DCAF6: variants seen among roughly 807,000 people sequenced by gnomAD.
The protein encoded by DCAF6 is DDB1- and CUL4-associated factor 6.
DCAF6 carries 54 observed loss-of-function variants against 125.1 expected under a neutral mutation model. That is an observed-to-expected ratio of 0.43 (90% CI 0.35 to 0.54). The LOEUF (loss-of-function observed/expected upper bound fraction) is 0.54. DCAF6 is among the 20% of genes least tolerant of loss of function. The pLI, the probability that DCAF6 is intolerant of heterozygous loss-of-function variation, is 0.01. For synonymous variants in DCAF6, 371 were observed against 390.4 expected (o/e 0.95, Z 0.58); for missense variants, 934 against 1,161.7 (o/e 0.80, Z 2.85).
chr1:168,067,581 G>C (rs1692492750), intron 20 of DCAF6, among the ~76,000 whole-genome samples: 1 of 152,174 alleles, frequency 6.6e-6, no homozygotes, highest in African/African-American at 2.4e-5. Context: ...CCATCAGTGT[G>C]CCTGGAACCC....
At chr1:168,062,236 T>A (rs896178154) in intron 17 of DCAF6, among the ~76,000 whole-genome samples, 17 of 152,258 alleles carry the variant, frequency 1.1e-4, no homozygotes, top group African/African-American at 3.6e-4. Flanking sequence ...AATGGTTTCC[T>A]TTAAAGGGAC....
intron 7 of DCAF6, among the ~76,000 whole-genome samples, chr1:168,001,495 T>C (rs943447660): frequency 1.3e-5 from 2 of 152,030 alleles, no homozygotes; most frequent in African/African-American, 4.8e-5. Context: ...AGTGGAAAGA[T>C]AGGAAATCAA....
At chr1:167,975,993 A>T (rs1404788809) in intron 4 of DCAF6, among the ~76,000 whole-genome samples, 1 of 152,030 alleles carries the variant, frequency 6.6e-6, no homozygotes, top group Admixed American at 6.6e-5. Flanking sequence ...TTTTGTATGT[A>T]CTTATATATA....
chr1:168,025,120 A>C (rs1263184033), intron 12 of DCAF6, among the ~76,000 whole-genome samples: 3 of 152,202 alleles, frequency 2.0e-5, no homozygotes, highest in African/African-American at 7.2e-5. Context: ...TATGGATTTA[A>C]TAATATATCA....
the DCAF6 span, among the ~76,000 whole-genome samples, chr1:167,922,589 G>A: frequency 6.6e-6 from 1 of 151,510 alleles, no homozygotes; most frequent in Non-Finnish European, 1.5e-5. Flanking sequence ...TTCTCAATAT[G>A]TAGATATGAA....
chr1:167,918,994 A>C, the DCAF6 span, among the ~76,000 whole-genome samples: 6 of 152,240 alleles, frequency 3.9e-5, no homozygotes, highest in Admixed American at 3.9e-4. Flanking sequence ...GAACGTGACA[A>C]ACTTGTGAAC....
the DCAF6 span, among the ~76,000 whole-genome samples, chr1:167,923,387 CAT>C: frequency 0.03 from 4,551 of 152,212 alleles, 233 homozygotes; most frequent in African/African-American, 0.1. Flanking sequence ...GAAAGTGACA[CAT>C]GTGACAACGT....
At chr1:167,880,497 T>C in the DCAF6 span, 1 of 1,612,624 alleles carries the variant, frequency 6.2e-7, no homozygotes. Context: ...TCACTGGATT[T>C]TGTGGACTTG....
chr1:167,870,230 AC>A, the DCAF6 span: 86 of 1,613,720 alleles, frequency 5.3e-5, no homozygotes, highest in Non-Finnish European at 7.1e-5. Flanking sequence ...ATGGGTTCAC[AC>A]AGAACAATCA....
chr1:168,030,364 A>G (rs2103301331), intron 12 of DCAF6, among the ~76,000 whole-genome samples: 1 of 152,358 alleles, frequency 6.6e-6, no homozygotes, highest in South Asian at 2.1e-4. Flanking sequence ...ATACAGGATG[A>G]CTAGGAGAAC....
the DCAF6 span, among the ~76,000 whole-genome samples, chr1:167,912,739 G>A: frequency 3.9e-5 from 6 of 152,088 alleles, no homozygotes; most frequent in African/African-American, 1.4e-4. Context: ...TGTCTGTGTC[G>A]TTTTATCTAA....
At chr1:167,957,451 T>C (rs1674953490) in intron 2 of DCAF6, among the ~76,000 whole-genome samples, 1 of 152,202 alleles carries the variant, frequency 6.6e-6, no homozygotes, top group South Asian at 2.1e-4. Flanking sequence ...CTTTTTATGA[T>C]TGAATAAATA....
chr1:168,002,427 T>C, intron 7 of DCAF6, 55 bp from the exon 8 acceptor site: 1 of 1,441,156 alleles, frequency 6.9e-7, no homozygotes, highest in South Asian at 1.2e-5. Flanking sequence ...GCTTTAAGAG[T>C]TGAGAGTAGA....
At chr1:167,972,076 G>A (rs557151370) in intron 3 of DCAF6, among the ~76,000 whole-genome samples, 1 of 152,240 alleles carries the variant, frequency 6.6e-6, no homozygotes. Context: ...GGCTGGTCTC[G>A]AACTCCTGAC....
At position 168,049,401 on chromosome 1, in the gene DCAF6, C is replaced by G. The variant is rs1689555409; in HGVS notation, c.2259-1491C>G. On this transcript the variant is annotated intron_variant, in intron 16 of 21. Coordinates refer to ENST00000367840, the MANE Select transcript of DCAF6 (RefSeq NM_001198956.2). ...GGGATTACAGGTGCATGTTGCTGCA[C>G]TCTGCTAATTTGTTGTTGTTGTTGT... Among the ~76,000 whole-genome samples, 3 of 148,074 alleles carry G rather than the reference C, an allele frequency of 2.0e-5. No individual in the cohort carries two copies. In the South Asian group the frequency reaches 6.5e-4, roughly 32 times the overall value.
At chr1:167,980,181 G>GAAAT (rs754719139) in intron 4 of DCAF6, among the ~76,000 whole-genome samples, 14 of 152,202 alleles carry the variant, frequency 9.2e-5, no homozygotes, top group Admixed American at 5.2e-4. Flanking sequence ...CTCCATCTCA[G>GAAAT]AAATAAATAA....
rs537148718 is a variant in DCAF6, at chr1:168,026,264, C to G, written c.1609+3217C>G. 6.6e-5 allele frequency among the ~76,000 whole-genome samples: 10 copies of G among 152,134 alleles called. No homozygotes were observed. In the South Asian group the frequency reaches 1.9e-3, roughly 28 times the overall value. ...TTTTCATTTAATAATTTCCTCTATG[C>G]CTAAAATCATACATCATGTGGTAAA... is the stretch of plus-strand genomic sequence containing the variant. On this transcript the variant is annotated intron_variant, in intron 12 of 21. Coordinates refer to ENST00000367840, the MANE Select transcript of DCAF6 (RefSeq NM_001198956.2).
intron 10 of DCAF6, among the ~76,000 whole-genome samples, chr1:168,015,154 T>C (rs1445377935): frequency 6.6e-6 from 1 of 152,228 alleles, no homozygotes; most frequent in Non-Finnish European, 1.5e-5. Context: ...TTGCAGAATT[T>C]AATGTTATTT....
intron 1 of DCAF6, among the ~76,000 whole-genome samples, chr1:167,940,263 C>G (rs1672026881): frequency 6.6e-6 from 1 of 152,198 alleles, no homozygotes; most frequent in African/African-American, 2.4e-5. Context: ...CCACAAGATT[C>G]ACCTGGGCCA....
Sources: allele counts gnomAD v4.1 joint callset (sites outside exome capture counted in the v4.1 genomes callset), GRCh38; gene constraint gnomAD v4.1.1; transcripts MANE v1.5; gene names NCBI Gene and HGNC (gene_info 2026-07-23, HGNC 2026-07-21).